Variants in MYOM1 observed in about 807,000 individuals in gnomAD.
MYOM1 encodes myomesin-1.
MYOM1 carries 164 observed loss-of-function variants against 205.3 expected under a neutral mutation model. The ratio of observed to expected loss-of-function variants is 0.80; its 90% confidence interval spans 0.70 to 0.91. The LOEUF (loss-of-function observed/expected upper bound fraction) is 0.91, where lower values mean the gene tolerates loss of function less well. MYOM1 is among the 40% of genes least tolerant of loss of function. The pLI is 0.00. For missense variants in MYOM1, 2,011 were observed against 2,127.3 expected (o/e 0.95, Z 1.08); for synonymous variants, 772 against 789.4 (o/e 0.98, Z 0.37).
intron 13 of MYOM1, among the ~76,000 whole-genome samples, chr18:3,145,249 G>A (rs1190736986): frequency 6.6e-6 from 1 of 151,550 alleles, no homozygotes; most frequent in Non-Finnish European, 1.5e-5. Context: ...GACGGAGGTT[G>A]CAGTGAGCCA....
chr18:3,151,684 A>G lies in MYOM1; in HGVS notation c.1843+10T>C. The G allele has an allele frequency of 6.2e-7, 1 of 1,605,542 alleles. No homozygotes were observed. The highest frequency in any genetic ancestry group is 8.5e-7 in the Non-Finnish European group (1 of 1,175,214). The stretch of plus-strand genomic sequence containing the variant: ...TTTAGGGAAGGTCCTGAAAAATGAA[A>G]AGTGCTTACTTTTAAGTCTAGCTTT... On this transcript the variant is annotated intron_variant, in intron 12 of 37. Transcript: ENST00000356443.
At chr18:3,156,837 C>T (rs1203359525) in intron 10 of MYOM1, among the ~76,000 whole-genome samples, 2 of 152,138 alleles carry the variant, frequency 1.3e-5, no homozygotes, top group Admixed American at 6.5e-5. Flanking sequence ...TCTCGAACTC[C>T]TGACCTTGTG....
At chr18:3,197,743 G>T (rs1209757901) in intron 2 of MYOM1, among the ~76,000 whole-genome samples, 2 of 151,974 alleles carry the variant, frequency 1.3e-5, no homozygotes, top group Non-Finnish European at 2.9e-5. Flanking sequence ...CATGGTGGCA[G>T]GCGCCTGTGG....
At chr18:3,230,693 T>C in the MYOM1 span, among the ~76,000 whole-genome samples, 12 of 151,924 alleles carry the variant, frequency 7.9e-5, no homozygotes, top group South Asian at 6.2e-4. Context: ...GTACACCAAG[T>C]AACCAATGGG....
At chr18:3,179,000 T>C (rs1598746343) in intron 5 of MYOM1, among the ~76,000 whole-genome samples, 1 of 152,142 alleles carries the variant, frequency 6.6e-6, no homozygotes, top group Non-Finnish European at 1.5e-5. Flanking sequence ...ACCAAGTAGC[T>C]GGGACTACAA....
the MYOM1 span, among the ~76,000 whole-genome samples, chr18:3,228,124 G>C: frequency 6.6e-6 from 1 of 152,150 alleles, no homozygotes; most frequent in African/African-American, 2.4e-5. This position sits in a 1 kb window ranked among gnomAD's most constrained non-coding sequence, Gnocchi z 4.5. Context: ...ATTCTTCACT[G>C]GTTTGCCAGC....
At chr18:3,114,837 G>A (rs1390457321) in intron 21 of MYOM1, among the ~76,000 whole-genome samples, 1 of 151,982 alleles carries the variant, frequency 6.6e-6, no homozygotes, top group Non-Finnish European at 1.5e-5. Flanking sequence ...GGTTTGTTAG[G>A]TATACTTAAC....
At chr18:3,155,504 GTGA>G (rs1351548263) in intron 10 of MYOM1, among the ~76,000 whole-genome samples, 1 of 152,176 alleles carries the variant, frequency 6.6e-6, no homozygotes, top group East Asian at 1.9e-4. Flanking sequence ...GATTACAGGC[GTGA>G]GCCATCACAC....
intron 1 of MYOM1, 40 bp from the exon 2 acceptor site, chr18:3,215,291 A>T: frequency 7.0e-7 from 1 of 1,436,540 alleles, no homozygotes; most frequent in Non-Finnish European, 9.4e-7. Context: ...TTATTAAGGA[A>T]CAAATTCCAT....
chr18:3,115,339 T>C (rs929032895), intron 21 of MYOM1, among the ~76,000 whole-genome samples: 8 of 152,158 alleles, frequency 5.3e-5, no homozygotes, highest in Non-Finnish European at 1.2e-4. Flanking sequence ...ATGGGCTGTA[T>C]CTCCTGGAGG....
chr18:3,125,057 G>A (rs1475103163), intron 19 of MYOM1, among the ~76,000 whole-genome samples: 1 of 152,222 alleles, frequency 6.6e-6, no homozygotes, highest in African/African-American at 2.4e-5. Flanking sequence ...CATAGGAAAG[G>A]ATGTTCAAAC....
chr18:3,082,604 G>C (rs945552941), intron 33 of MYOM1, among the ~76,000 whole-genome samples: 3 of 152,130 alleles, frequency 2.0e-5, no homozygotes, highest in Non-Finnish European at 4.4e-5. Context: ...TTGCAGTTTG[G>C]AACATTTGCA....
chr18:3,130,123 A>ACCTC (rs2079854269), intron 17 of MYOM1, among the ~76,000 whole-genome samples: 1 of 151,382 alleles, frequency 6.6e-6, no homozygotes, highest in Admixed American at 6.6e-5. Context: ...GCTCACTGCA[A>ACCTC]CCTCCACCTT....
rs1038536179 is a variant in MYOM1 at position 3,067,016 on chromosome 18, T to C, written c.*246A>G. ...TCCCTCCAACTTCATTCAAGTCTTC[T>C]CCTTAAAACTGTTTCCTAATCTTCA... On this transcript the variant is annotated 3_prime_UTR_variant, in exon 38 of 38. Transcript: ENST00000356443. 86 of 480,520 alleles carry C rather than the reference T, an allele frequency of 1.8e-4. 1 individual carries two copies. The highest frequency in any genetic ancestry group is 1.1e-3 in the Middle Eastern group (2 of 1,804). The allele number at this position is 480,520 out of a possible 1,614,324, so 29.8% of individuals were successfully genotyped here.
At chr18:3,241,165 A>G in the MYOM1 span, among the ~76,000 whole-genome samples, 1 of 152,252 alleles carries the variant, frequency 6.6e-6, no homozygotes, top group Non-Finnish European at 1.5e-5. Context: ...GGTTGCAGAA[A>G]TTTGAATAAG....
chr18:3,162,750 G>A (rs1249549314), intron 10 of MYOM1, among the ~76,000 whole-genome samples: 3 of 144,544 alleles, frequency 2.1e-5, no homozygotes, highest in South Asian at 2.2e-4. Context: ...TGAAAAGGCC[G>A]GGCGTGGGCT....
chr18:3,077,810 T>A (rs2143653997), intron 34 of MYOM1, among the ~76,000 whole-genome samples: 1 of 152,362 alleles, frequency 6.6e-6, no homozygotes, highest in South Asian at 2.1e-4. Flanking sequence ...CCTGTCACTG[T>A]GCACTTGTGA....
At chr18:3,138,057 AG>A (rs377263987) in intron 14 of MYOM1, among the ~76,000 whole-genome samples, 8 of 152,252 alleles carry the variant, frequency 5.3e-5, no homozygotes, top group African/African-American at 1.9e-4. Context: ...AAAATGATTT[AG>A]AGTGACTTGG....
At chr18:3,111,300 T>C (rs1274381277) in intron 22 of MYOM1, among the ~76,000 whole-genome samples, 3 of 151,426 alleles carry the variant, frequency 2.0e-5, no homozygotes, top group African/African-American at 7.3e-5. Flanking sequence ...CGTTGAAAAA[T>C]AATACAGGTT....
Sources: gnomAD v4.1 joint callset for allele counts (sites outside exome capture counted in the v4.1 genomes callset) on GRCh38, gnomAD v4.1.1 for gene constraint, Gnocchi (gnomAD v3.1) non-coding constraint, MANE v1.5 for transcripts, NCBI Gene and HGNC (gene_info 2026-07-23, HGNC 2026-07-21) for gene names.